STAG1: variants seen among roughly 807,000 people sequenced by gnomAD.
The protein encoded by STAG1 is STAG1 cohesin complex component, also known as cohesin subunit SA-1.
Under a neutral mutation model 170.9 loss-of-function variants are expected in STAG1, and 26 were observed. That is an observed-to-expected ratio of 0.15 (90% confidence interval 0.11 to 0.21). The LOEUF is 0.21. Ranked by LOEUF, STAG1 falls within the 10% of genes least tolerant of loss-of-function variation. The pLI, the probability that STAG1 is intolerant of heterozygous loss-of-function variation, is 1.00. For missense variants in STAG1, 964 were observed against 1,509.5 expected (o/e 0.64, Z 5.99); for synonymous variants, 514 against 497.7 (o/e 1.03, Z -0.44).
intron 22 of STAG1, among the ~76,000 whole-genome samples, chr3:136,392,914 A>C (rs1168637447): frequency 1.3e-5 from 2 of 152,112 alleles, no homozygotes; most frequent in Non-Finnish European, 1.5e-5. Flanking sequence ...AGGAGAGCTC[A>C]AATTTATGAG....
intron 10 of STAG1, among the ~76,000 whole-genome samples, chr3:136,476,608 AT>A (rs2089756199): frequency 6.6e-6 from 1 of 152,212 alleles, no homozygotes; most frequent in African/African-American, 2.4e-5. Flanking sequence ...ATAAGGTAGT[AT>A]TCATGAAAAA....
intron 6 of STAG1, among the ~76,000 whole-genome samples, chr3:136,528,004 T>C (rs1043660691): frequency 6.6e-5 from 10 of 152,170 alleles, no homozygotes; most frequent in African/African-American, 2.4e-4. Flanking sequence ...TATTTGGGGA[T>C]GCCTCCCAGT....
chr3:136,453,670 G>C (rs1049539360), intron 13 of STAG1, among the ~76,000 whole-genome samples: 4 of 150,232 alleles, frequency 2.7e-5, no homozygotes, highest in African/African-American at 7.4e-5. Flanking sequence ...AGGAACAAAC[G>C]ACAAAATCCC....
chr3:136,482,196 C>T (rs1180273100), intron 9 of STAG1, among the ~76,000 whole-genome samples: 2 of 2,674 alleles, frequency 7.5e-4, no homozygotes, highest in Non-Finnish European at 1.7e-3. Context: ...ATCTTTCCTG[C>T]TTTCTCTTGT....
chr3:136,433,643 T>C lies in STAG1; in HGVS notation c.1563A>G (p.Gln521=), dbSNP rs146975867. 7 of 1,610,916 alleles carry C rather than the reference T, an allele frequency of 4.3e-6. No homozygotes were observed. Among genetic ancestry groups the C allele is most frequent in the African/African-American group, 1.3e-5 (1 of 74,710 alleles). The change falls in exon 16 of 34, where the codon CAA becomes CAG. Residue 521 remains glutamine, a synonymous_variant. Transcript: ENST00000383202. ...VQGEEAMSDR[Q]ESALIELMVC... is the part of the protein sequence containing the mutation. ...CCATTAGCTCTATAAGAGCACTCTC[T>C]TGACGATCAGACATTGCTAAGGTAA...
Position 136,440,862 on chromosome 3 carries a change from G to A in STAG1, c.1546+2425C>T, listed in dbSNP as rs150465998. On this transcript the variant is annotated intron_variant, in intron 15 of 33. Coordinates refer to ENST00000383202, the MANE Select transcript of STAG1 (RefSeq NM_005862.3). The stretch of plus-strand genomic sequence containing the variant: ...AAAAAAATTAGGCATGGTGGTGCAC[G>A]CCTGTAGTCCCAACCACTTGGGAGG... Among the ~76,000 whole-genome samples, 46 of 152,024 alleles carry A rather than the reference G, an allele frequency of 3.0e-4. No homozygotes were observed. The East Asian group carries it at 6.0e-3, about 20-fold the overall frequency.
At chr3:136,576,836 T>G (rs1448571545) in intron 4 of STAG1, among the ~76,000 whole-genome samples, 1 of 152,188 alleles carries the variant, frequency 6.6e-6, no homozygotes, top group Admixed American at 6.5e-5. Context: ...AGGACCTTGG[T>G]TAAGCAGACA....
chr3:136,457,515 G>C (rs936832643), intron 13 of STAG1, among the ~76,000 whole-genome samples: 3 of 152,094 alleles, frequency 2.0e-5, no homozygotes. Flanking sequence ...GGCTCCCAGA[G>C]CTCGGGGCCT....
chr3:136,515,143 C>A (rs1934293155), intron 7 of STAG1, among the ~76,000 whole-genome samples: 1 of 152,002 alleles, frequency 6.6e-6, no homozygotes. Context: ...GGTGGGCGGA[C>A]TGCCCGAGGT....
intron 6 of STAG1, among the ~76,000 whole-genome samples, chr3:136,525,754 C>T (rs1318689888): frequency 6.6e-6 from 1 of 152,228 alleles, no homozygotes; most frequent in Non-Finnish European, 1.5e-5. Flanking sequence ...TTTCCCTCTA[C>T]ACACTGCTTT....
intron 4 of STAG1, among the ~76,000 whole-genome samples, chr3:136,600,916 A>C (rs922702073): frequency 1.3e-5 from 2 of 151,158 alleles, no homozygotes; most frequent in African/African-American, 2.4e-5. Flanking sequence ...TTTGAGAAGA[A>C]GTCTTCCTCT....
At chr3:136,503,098 A>C (rs1046417300) in intron 7 of STAG1, among the ~76,000 whole-genome samples, 1 of 152,182 alleles carries the variant, frequency 6.6e-6, no homozygotes, top group African/African-American at 2.4e-5. Flanking sequence ...GTAAGGGCAC[A>C]CTAATCAAGC....
chr3:136,344,043 G>A (rs2108261595), intron 29 of STAG1, 37 bp from the exon 30 acceptor site: 3 of 1,487,104 alleles, frequency 2.0e-6, no homozygotes, highest in East Asian at 4.9e-5. Context: ...AATGTCGTGG[G>A]TGGAGTGAAC....
intron 3 of STAG1, among the ~76,000 whole-genome samples, chr3:136,622,778 G>A (rs1335751860): frequency 6.6e-6 from 1 of 152,144 alleles, no homozygotes; most frequent in Non-Finnish European, 1.5e-5. Context: ...TTATCAATGA[G>A]AATATACTCT....
chr3:136,565,002 G>GC (rs1408595073), intron 5 of STAG1, among the ~76,000 whole-genome samples: 1 of 95,420 alleles, frequency 1.0e-5, no homozygotes, highest in East Asian at 2.7e-4. Context: ...AGGAAGGAAG[G>GC]AAGGAAGGAA....
At chr3:136,701,203 G>A (rs1163996669) in intron 1 of STAG1, among the ~76,000 whole-genome samples, 2 of 152,058 alleles carry the variant, frequency 1.3e-5, no homozygotes, top group African/African-American at 4.8e-5. Context: ...ATTTTAAGTT[G>A]ACATGACAAT....
In STAG1 at chr3:136,472,417, G is replaced by A. The variant is rs764703589; in HGVS notation, c.1201C>T (p.Leu401Phe). 3 of 1,607,168 alleles carry A rather than the reference G, an allele frequency of 1.9e-6. No homozygotes were observed. Among genetic ancestry groups the A allele is most frequent in the Non-Finnish European group, 2.6e-6 (3 of 1,174,652 alleles). The change falls in exon 12 of 34, where the codon CTT (leucine) becomes TTT (phenylalanine). Residue 401 changes from leucine (L) to phenylalanine (F), a missense_variant. Around this residue, in one of 11 missense-constraint regions of STAG1, gnomAD observed 162 missense variants for 211.2 expected, o/e 0.77. Coordinates refer to ENST00000383202, the MANE Select transcript of STAG1 (RefSeq NM_005862.3). The stretch of plus-strand genomic sequence containing the variant: ...ATAGTAATGGATATTACTTACTGAA[G>A]TATCAGAGTAACCAATCGAATAGCT... ...VEAIRLVTLILHGSEEALSNE... is the reference protein window; with the variant it reads ...VEAIRLVTLIFHGSEEALSNE...
chr3:136,350,438 A>T (rs1235915368), intron 28 of STAG1, among the ~76,000 whole-genome samples: 1 of 151,960 alleles, frequency 6.6e-6, no homozygotes, highest in East Asian at 1.9e-4. Flanking sequence ...CTTTTATCCC[A>T]CCAAGTCTCC....
Position 136,341,460 on chromosome 3 carries a change from T to A in STAG1, c.3538A>T (p.Thr1180Ser). 1 of 1,612,718 alleles carries A rather than the reference T, an allele frequency of 6.2e-7. No individual in the cohort carries two copies. Among genetic ancestry groups the A allele is most frequent in the Non-Finnish European group, 8.5e-7 (1 of 1,178,794 alleles). The change falls in exon 31 of 34, where the codon ACT (threonine) becomes TCT (serine). Residue 1180 changes from threonine (T) to serine (S), a missense_variant. Thr to Ser is a moderately conservative substitution (Grantham distance 58). This residue lies in a region of STAG1 where 59 missense variants were observed against 104.2 expected (regional missense o/e 0.57). Transcript: ENST00000383202. Reference sequence around the variant, plus strand: ...ACTTACACAGCATGCCTCACTCCAGTTCTCACTTTCATGTAGTTCATTCCT... The same window carrying A: ...ACTTACACAGCATGCCTCACTCCAGATCTCACTTTCATGTAGTTCATTCCT... ...RTGMNYMKVR[T>S]GVRHAVRGLM... is the part of the protein sequence containing the mutation.
Sources: gnomAD v4.1 joint callset for allele counts (sites outside exome capture counted in the v4.1 genomes callset) on GRCh38, gnomAD v4.1.1 for gene constraint, gnomAD v4.1.1 regional missense constraint, MANE v1.5 for transcripts, NCBI Gene and HGNC (gene_info 2026-07-23, HGNC 2026-07-21) for gene names.